The following PTPRT variants were observed in gnomAD, a reference collection of about 807,000 sequenced individuals.
PTPRT encodes the protein receptor-type tyrosine-protein phosphatase T.
A neutral mutation model predicts 176.8 loss-of-function variants in PTPRT; 56 were observed. The ratio of observed to expected loss-of-function variants is 0.32; its 90% confidence interval spans 0.26 to 0.40. The LOEUF (loss-of-function observed/expected upper bound fraction) is 0.40. Ranked by LOEUF, PTPRT falls within the 10% of genes least tolerant of loss-of-function variation. The pLI, the probability that PTPRT is intolerant of heterozygous loss-of-function variation, is 1.00. For synonymous variants in PTPRT, 783 were observed against 739.0 expected, an observed-to-expected ratio of 1.06 and a Z score of -0.96; for missense variants, 1,540 against 1,908.2, an observed-to-expected ratio of 0.81 and a Z score of 3.60.
At chr20:42,279,418 A>G (rs1376801003) in intron 13 of PTPRT, among the ~76,000 whole-genome samples, 1 of 152,150 alleles carries the variant, frequency 6.6e-6, no homozygotes, top group Non-Finnish European at 1.5e-5. Context: ...GCAAACCACC[A>G]GAAGCTAAGA....
intron 7 of PTPRT, among the ~76,000 whole-genome samples, chr20:42,598,080 A>C (rs949454955): frequency 2.0e-5 from 3 of 152,174 alleles, no homozygotes; most frequent in African/African-American, 7.2e-5. Flanking sequence ...CAATATCCAT[A>C]AAAATGAGTT....
chr20:42,624,005 C>CAAAAAAAAAAAAA (rs1159094345), intron 7 of PTPRT, among the ~76,000 whole-genome samples: 30 of 135,752 alleles, frequency 2.2e-4, no homozygotes, highest in Admixed American at 1.6e-3. Flanking sequence ...AAAACAATAG[C>CAAAAAAAAAAAAA]AACAAACAAA....
At chr20:42,310,487 C>T (rs536568072) in intron 12 of PTPRT, among the ~76,000 whole-genome samples, 1 of 152,244 alleles carries the variant, frequency 6.6e-6, no homozygotes, top group South Asian at 2.1e-4. Flanking sequence ...GTCAAGGAGA[C>T]AGAATTTAGC....
At chr20:43,030,109 C>T (rs968570764) in intron 1 of PTPRT, among the ~76,000 whole-genome samples, 9 of 152,084 alleles carry the variant, frequency 5.9e-5, no homozygotes, top group Admixed American at 5.2e-4. Context: ...CTCTTTTTTT[C>T]TTCCACTAAT....
chr20:42,704,513 T>C (rs1168336776), intron 6 of PTPRT, among the ~76,000 whole-genome samples: 3 of 152,154 alleles, frequency 2.0e-5, no homozygotes, highest in Non-Finnish European at 2.9e-5. Context: ...TCCACCTCCA[T>C]GTCATGCATG....
At chr20:42,240,388 T>C (rs756231542) in intron 14 of PTPRT, among the ~76,000 whole-genome samples, 2 of 152,212 alleles carry the variant, frequency 1.3e-5, no homozygotes, top group Non-Finnish European at 2.9e-5. Flanking sequence ...TACAGTGATA[T>C]TGCAAGTAAC....
rs187226006 is a variant in PTPRT, at chr20:43,169,083, C to G, written c.88+20563G>C. Among the ~76,000 whole-genome samples the G allele has an allele frequency of 1.3e-4, 20 of 152,236 alleles. No individual in the cohort carries two copies. The East Asian group carries it at 3.5e-3, about 27-fold the overall frequency. On this transcript the variant is annotated intron_variant, in intron 1 of 30. Transcript: ENST00000373187. ...CTAAAAAGCAGGTTTCAGGCCTTGC[C>G]CCAACCCTCAGTTCTTGTGCAGCCT...
At chr20:43,040,471 A>G (rs1274242888) in intron 1 of PTPRT, among the ~76,000 whole-genome samples, 1 of 152,210 alleles carries the variant, frequency 6.6e-6, no homozygotes, top group Non-Finnish European at 1.5e-5. Flanking sequence ...AATACACGAA[A>G]TTATAACAGC....
intron 6 of PTPRT, among the ~76,000 whole-genome samples, chr20:42,720,744 C>T (rs1256898970): frequency 6.6e-6 from 1 of 152,194 alleles, no homozygotes; most frequent in Non-Finnish European, 1.5e-5. Flanking sequence ...ACTGTCAAAT[C>T]CCCAGATCAC....
At chr20:42,340,000 C>T (rs2058090113) in intron 11 of PTPRT, among the ~76,000 whole-genome samples, 1 of 152,254 alleles carries the variant, frequency 6.6e-6, no homozygotes, top group Non-Finnish European at 1.5e-5. Flanking sequence ...CTCTCTGAAA[C>T]CAAACATGGG....
At chr20:43,083,337 T>TATATACATATATATATATATAC (rs2011500681) in intron 1 of PTPRT, among the ~76,000 whole-genome samples, 1 of 105,792 alleles carries the variant, frequency 9.5e-6, no homozygotes, top group African/African-American at 3.7e-5. Context: ...TATATATATA[T>TATATACATATATATATATATAC]ATATATATAT....
At chr20:42,921,576 C>A (rs922007502) in intron 1 of PTPRT, among the ~76,000 whole-genome samples, 2 of 152,194 alleles carry the variant, frequency 1.3e-5, no homozygotes, top group African/African-American at 4.8e-5. Context: ...CAGAGCAAAT[C>A]CCTGTCTCTA....
chr20:42,635,602 T>C (rs1388593266), intron 7 of PTPRT, among the ~76,000 whole-genome samples: 2 of 152,192 alleles, frequency 1.3e-5, no homozygotes, highest in East Asian at 1.9e-4. Context: ...CACAGATATG[T>C]GTAGTAATAT....
chr20:42,422,636 G>A (rs1463774205), intron 9 of PTPRT, among the ~76,000 whole-genome samples: 2 of 152,196 alleles, frequency 1.3e-5, no homozygotes, highest in Non-Finnish European at 1.5e-5. Flanking sequence ...GGAAGGCAGT[G>A]TGGTGATTCT....
At chr20:42,681,600 G>A (rs1031177710) in intron 6 of PTPRT, among the ~76,000 whole-genome samples, 2 of 152,118 alleles carry the variant, frequency 1.3e-5, no homozygotes, top group South Asian at 2.1e-4. Context: ...TCATTCACTC[G>A]TTCTATGAAT....
At chr20:42,554,218 C>T (rs1404190154) in intron 7 of PTPRT, among the ~76,000 whole-genome samples, 1 of 152,106 alleles carries the variant, frequency 6.6e-6, no homozygotes, top group Non-Finnish European at 1.5e-5. Context: ...AATATTTTTA[C>T]TCCAATGTCT....
At chr20:43,117,260 G>A (rs1200711071) in intron 1 of PTPRT, among the ~76,000 whole-genome samples, 2 of 152,208 alleles carry the variant, frequency 1.3e-5, no homozygotes, top group Non-Finnish European at 2.9e-5. Flanking sequence ...TGTGGATAAA[G>A]GGAGGGGTGA....
the PTPRT span, chr20:42,063,779 C>A: frequency 6.6e-6 from 1 of 152,090 alleles, no homozygotes; most frequent in Admixed American, 6.6e-5. Flanking sequence ...TTCCCAATTT[C>A]TCTTGGGGAA....
At chr20:42,155,310 C>T (rs1010626379) in intron 17 of PTPRT, among the ~76,000 whole-genome samples, 3 of 152,212 alleles carry the variant, frequency 2.0e-5, no homozygotes, top group Admixed American at 1.3e-4. Context: ...TCTTGGGCCT[C>T]CTTGAGCTCC....
Sources: gnomAD v4.1 joint callset for allele counts (sites outside exome capture counted in the v4.1 genomes callset) on GRCh38, gnomAD v4.1.1 for gene constraint, MANE v1.5 for transcripts, NCBI Gene and HGNC (gene_info 2026-07-23, HGNC 2026-07-21) for gene names.